The following GBF1 variants were observed in gnomAD, a reference collection of about 807,000 sequenced individuals.
The protein encoded by GBF1 is Golgi-specific brefeldin A-resistance guanine nucleotide exchange factor 1.
GBF1 carries 114 observed loss-of-function variants against 210.5 expected under a neutral mutation model. That is an observed-to-expected ratio of 0.54 (90% CI 0.47 to 0.63). The LOEUF (loss-of-function observed/expected upper bound fraction) is 0.63, where lower values mean the gene tolerates loss of function less well. Ranked by LOEUF, GBF1 falls within the 30% of genes least tolerant of loss-of-function variation. The pLI is 0.00. For missense variants in GBF1, 1,851 were observed against 2,357.7 expected, an observed-to-expected ratio of 0.79 and a Z score of 4.45; for synonymous variants, 850 against 889.2, an observed-to-expected ratio of 0.96 and a Z score of 0.78.
At chr10:102,251,086 G>T (rs2133905301) in intron 1 of GBF1, among the ~76,000 whole-genome samples, 1 of 150,932 alleles carries the variant, frequency 6.6e-6, no homozygotes, top group East Asian at 1.9e-4. Context: ...CATATATGAA[G>T]AATTGACAGT....
At chr10:102,311,739 A>G (rs1809036902) in intron 3 of GBF1, among the ~76,000 whole-genome samples, 1 of 152,210 alleles carries the variant, frequency 6.6e-6, no homozygotes, top group South Asian at 2.1e-4. Context: ...TGCTAGCTGT[A>G]GAATCAACTA....
At position 102,378,091 on chromosome 10, in the gene GBF1, G is replaced by A. The variant is rs570224255; in HGVS notation, c.4494+951G>A. On this transcript the variant is annotated intron_variant, in intron 33 of 39. Coordinates refer to ENST00000369983, the MANE Select transcript of GBF1 (RefSeq NM_001377137.1). ...AAAATAGCTGTGCATGGTGGCAGGC[G>A]CCTGTAGTCCCAGCTACTCGGGAGG... Among the ~76,000 whole-genome samples the A allele has an allele frequency of 1.1e-3, 169 of 151,794 alleles. 1 individual carries two copies. The highest frequency in any genetic ancestry group is 1.8e-3 in the Non-Finnish European group (122 of 67,912).
chr10:102,265,287 T>C (rs998880808), intron 3 of GBF1, among the ~76,000 whole-genome samples: 22 of 152,220 alleles, frequency 1.4e-4, no homozygotes, highest in African/African-American at 5.3e-4. Context: ...CCTCCAGATA[T>C]AGTCTGTCTT....
intron 3 of GBF1, among the ~76,000 whole-genome samples, chr10:102,273,607 G>A (rs934253576): frequency 1.1e-4 from 16 of 152,106 alleles, no homozygotes; most frequent in Non-Finnish European, 1.9e-4. Context: ...ATTGAGTCAG[G>A]GTGCCCTTCT....
chr10:102,237,588 GA>G, the GBF1 span, among the ~76,000 whole-genome samples: 4 of 151,914 alleles, frequency 2.6e-5, no homozygotes, highest in South Asian at 4.2e-4. Context: ...CCTGAATAAA[GA>G]AAAAAACCCT....
At chr10:102,364,937 G>A (rs2059828645) in intron 17 of GBF1, among the ~76,000 whole-genome samples, 2 of 152,124 alleles carry the variant, frequency 1.3e-5, no homozygotes, top group Non-Finnish European at 2.9e-5. Context: ...GTACCTGGCC[G>A]TGACTGGACA....
chr10:102,289,141 A>G (rs1443220491), intron 3 of GBF1, among the ~76,000 whole-genome samples: 3 of 151,260 alleles, frequency 2.0e-5, no homozygotes, highest in Admixed American at 6.6e-5. Flanking sequence ...GTTATTTACT[A>G]TTCTTCACCT....
chr10:102,248,402 G>A (rs1413957673), intron 1 of GBF1, among the ~76,000 whole-genome samples: 1 of 151,890 alleles, frequency 6.6e-6, no homozygotes, highest in African/African-American at 2.4e-5. Flanking sequence ...GTGATTATTT[G>A]TTCTAGTAGT....
chr10:102,329,834 C>A (rs2057201095), intron 3 of GBF1, among the ~76,000 whole-genome samples: 1 of 152,108 alleles, frequency 6.6e-6, no homozygotes, highest in African/African-American at 2.4e-5. Context: ...ATAGGCCAGG[C>A]ACAGTGGCTT....
At chr10:102,276,255 G>A (rs1353984299) in intron 3 of GBF1, among the ~76,000 whole-genome samples, 6 of 149,928 alleles carry the variant, frequency 4.0e-5, no homozygotes, top group Non-Finnish European at 8.9e-5. Context: ...GGCCTGGCGC[G>A]GTGGCTCATG....
rs1320740374 is a variant in GBF1 at position 102,365,681 on chromosome 10, C to T, written c.2309+82C>T. On this transcript the variant is annotated intron_variant, in intron 18 of 39. Transcript: ENST00000369983. ...ATCCTGACACTTTGGGAGGCTGAGG[C>T]AGGCAGATCACTCGAGCTCAGGAGT... The T allele has an allele frequency of 5.1e-6, 6 of 1,184,402 alleles. No individual in the cohort carries two copies. In the South Asian group the frequency reaches 6.1e-5, roughly 12 times the overall value. 73.4% of individuals were successfully genotyped at this position (1,184,402 alleles called of 1,614,324 possible).
At chr10:102,341,309 C>T (rs1229668336) in intron 3 of GBF1, among the ~76,000 whole-genome samples, 2 of 152,174 alleles carry the variant, frequency 1.3e-5, no homozygotes, top group Non-Finnish European at 2.9e-5. Context: ...ATACAAAGTA[C>T]TGAAGAGGAT....
chr10:102,272,581 A>T (rs1184410620), intron 3 of GBF1, among the ~76,000 whole-genome samples: 2 of 152,190 alleles, frequency 1.3e-5, no homozygotes, highest in Non-Finnish European at 2.9e-5. Flanking sequence ...TTATCCACTG[A>T]TTAATATTTG....
At chr10:102,370,311 T>C (rs1190872085) in intron 27 of GBF1, 66 bp downstream of exon 27, 24 of 1,456,170 alleles carry the variant, frequency 1.6e-5, no homozygotes, top group Non-Finnish European at 1.9e-5. Flanking sequence ...AGGGACAGTA[T>C]TATTTCTGTC....
Position 102,376,269 on chromosome 10 carries a change from T to C in GBF1, c.3887-3T>C, listed in dbSNP as rs781417581. On this transcript the variant is annotated splice_polypyrimidine_tract_variant and splice_region_variant and intron_variant, in intron 30 of 39. Transcript: ENST00000369983. ...ACTCTGCCCTTCTCCCTGCCTACCA[T>C]AGGGGCCCAGTCAGATAGTGAGCTC... 9.9e-5 allele frequency: 160 copies of C among 1,612,548 alleles called. No homozygotes were observed. Among genetic ancestry groups the C allele is most frequent in the Non-Finnish European group, 1.3e-4 (154 of 1,178,850 alleles).
intron 3 of GBF1, among the ~76,000 whole-genome samples, chr10:102,313,203 G>C (rs2078632202): frequency 6.6e-6 from 1 of 152,212 alleles, no homozygotes; most frequent in Non-Finnish European, 1.5e-5. Flanking sequence ...TATCATGGAG[G>C]CTGGGTTATT....
the GBF1 span, among the ~76,000 whole-genome samples, chr10:102,235,848 ACT>A: frequency 6.6e-6 from 1 of 152,136 alleles, no homozygotes; most frequent in East Asian, 1.9e-4. Context: ...TGCTGTGAAC[ACT>A]CTGTCCTGAG....
chr10:102,233,304 C>CTT, the GBF1 span, among the ~76,000 whole-genome samples: 4,397 of 107,868 alleles, frequency 0.041, 208 homozygotes, highest in Middle Eastern at 0.073. Flanking sequence ...TTTTTTCCTT[C>CTT]TTTTTTTTTT....
At chr10:102,382,026 C>T (rs1200921252) in intron 39 of GBF1, 30 bp from the exon 40 acceptor site, 1 of 1,514,938 alleles carries the variant, frequency 6.6e-7, no homozygotes, top group Non-Finnish European at 8.8e-7. Flanking sequence ...ACAAGGGAAT[C>T]TGACTGTAAC....
Sources: gnomAD v4.1 joint callset for allele counts (sites outside exome capture counted in the v4.1 genomes callset) on GRCh38, gnomAD v4.1.1 for gene constraint, MANE v1.5 for transcripts, NCBI Gene and HGNC (gene_info 2026-07-23, HGNC 2026-07-21) for gene names.